The following CXXC5 variants were observed in gnomAD, a reference collection of about 807,000 sequenced individuals.
The protein encoded by CXXC5 is CXXC finger protein 5, also known as CXXC-type zinc finger protein 5.
Under a neutral mutation model 17.6 loss-of-function variants are expected in CXXC5, and 2 were observed. That is an observed-to-expected ratio of 0.11 (90% CI 0.05 to 0.36). The LOEUF (loss-of-function observed/expected upper bound fraction) is 0.36, where lower values mean the gene tolerates loss of function less well. CXXC5 is among the 10% of genes least tolerant of loss of function. The probability of loss-of-function intolerance (pLI) is 1.00; values close to 1 mark genes in which losing one functional copy is unlikely to be tolerated. For synonymous variants in CXXC5, 171 were observed against 193.0 expected (o/e 0.89, Z 0.94); for missense variants, 343 against 458.3 (o/e 0.75, Z 2.30).
In CXXC5 at chr5:139,663,268, T is replaced by C. The variant is rs557030830; in HGVS notation, c.-161+14423T>C. Among the ~76,000 whole-genome samples the C allele has an allele frequency of 4.6e-5, 7 of 152,146 alleles. No homozygotes were observed. Among genetic ancestry groups the C allele is most frequent in the African/African-American group, 7.2e-5 (3 of 41,414 alleles). On this transcript the variant is annotated intron_variant, in intron 1 of 2. Transcript: ENST00000302517. This position sits in a 1 kb window ranked among gnomAD's most constrained non-coding sequence, Gnocchi z 4.2. ...GGCTTTCTCTGTCTCCCACCCCCTA[T>C]GCTCACACAGCAAGGCTATATGTTA...
At chr5:139,649,820 G>C (rs1260831055) in intron 1 of CXXC5, 1 of 152,260 alleles carries the variant, frequency 6.6e-6, no homozygotes, top group Non-Finnish European at 1.5e-5. Flanking sequence ...ATGAAGTTCG[G>C]CCCGACCCCC....
At chr5:139,655,273 G>T (rs1442354840) in intron 1 of CXXC5, among the ~76,000 whole-genome samples, 2 of 152,132 alleles carry the variant, frequency 1.3e-5, no homozygotes, top group African/African-American at 4.8e-5. Context: ...ACAGGCCAGA[G>T]GTGGGGCAGC....
At chr5:139,676,116 G>A (rs1396650977) in intron 1 of CXXC5, among the ~76,000 whole-genome samples, 4 of 139,670 alleles carry the variant, frequency 2.9e-5, no homozygotes, top group East Asian at 2.1e-4. Flanking sequence ...CCTCCTCCTC[G>A]GTACTCCCCA....
intron 1 of CXXC5, among the ~76,000 whole-genome samples, chr5:139,649,976 G>T (rs1455859335): frequency 6.6e-6 from 1 of 152,234 alleles, no homozygotes; most frequent in Non-Finnish European, 1.5e-5. Flanking sequence ...TTGTTTATTT[G>T]TAGGATCGAC....
chr5:139,655,663 T>C (rs530044509), intron 1 of CXXC5, among the ~76,000 whole-genome samples: 13 of 152,156 alleles, frequency 8.5e-5, no homozygotes, highest in South Asian at 4.2e-4. Context: ...CCCTCTTTTG[T>C]TGGCCTCCTC....
At position 139,670,117 on chromosome 5, in the gene CXXC5, A is replaced by G. The variant is rs1038272084; in HGVS notation, c.-160-10247A>G. 6.6e-6 allele frequency among the ~76,000 whole-genome samples: 1 copy of G among 152,038 alleles called. No individual in the cohort carries two copies. The highest frequency in any genetic ancestry group is 2.4e-5 in the African/African-American group (1 of 41,396). ...CTCCGGAACCAGCCGGCTCGGCCCC[A>G]TGGCCCCTCTCGCCTCATTATTTTT... On this transcript the variant is annotated intron_variant, in intron 1 of 2. Transcript: ENST00000302517. This position sits in a 1 kb window ranked among gnomAD's most constrained non-coding sequence, Gnocchi z 4.2.
intron 1 of CXXC5, among the ~76,000 whole-genome samples, chr5:139,664,197 G>A (rs1755970578): frequency 6.6e-6 from 1 of 152,218 alleles, no homozygotes. Flanking sequence ...AGGGTGGATG[G>A]GTGGGTGGGG....
rs112005648 is a variant in CXXC5, at chr5:139,665,172, C to T, written c.-160-15192C>T. Among the ~76,000 whole-genome samples, 565 of 152,394 alleles carry T rather than the reference C, an allele frequency of 3.7e-3. 3 individuals are homozygous for T. The highest frequency in any genetic ancestry group is 6.0e-3 in the Non-Finnish European group (405 of 68,036). ...CAGGGGGGAGTGCCAGCCAGCTCCT[C>T]GCCTGACGCTGCCCGCTCCTGCTCC... is the stretch of plus-strand genomic sequence containing the variant. On this transcript the variant is annotated intron_variant, in intron 1 of 2. Transcript: ENST00000302517.
intron 1 of CXXC5, among the ~76,000 whole-genome samples, chr5:139,659,249 G>T (rs1392317382): frequency 6.6e-6 from 1 of 152,170 alleles, no homozygotes; most frequent in Admixed American, 6.5e-5. Flanking sequence ...TCCCGGGGAA[G>T]GACTGAGGTG....
At position 139,661,304 on chromosome 5, in the gene CXXC5, G is replaced by A. The variant is rs1369370738; in HGVS notation, c.-161+12459G>A. 8.5e-5 allele frequency among the ~76,000 whole-genome samples: 13 copies of A among 152,180 alleles called. No homozygotes were observed. Among genetic ancestry groups the A allele is most frequent in the Admixed American group, 7.8e-4 (12 of 15,288 alleles). ...CCCCAGCAGCCCCGAGAGGCCCTGC[G>A]GCCTGGCAGTTAGAGTGCACACTCA... On this transcript the variant is annotated intron_variant, in intron 1 of 2. Transcript: ENST00000302517. The surrounding 1 kb of genome is among the most constrained non-coding windows in gnomAD (Gnocchi z 4.7).
At chr5:139,681,576 G>A in intron 2 of CXXC5, 129 bp downstream of exon 2, 3 of 1,162,908 alleles carry the variant, frequency 2.6e-6, no homozygotes, top group Non-Finnish European at 3.6e-6. Flanking sequence ...CCAGTCCTTG[G>A]GGCCTGGGGG....
At chr5:139,677,043 G>T (rs998071172) in intron 1 of CXXC5, among the ~76,000 whole-genome samples, 6 of 151,710 alleles carry the variant, frequency 4.0e-5, no homozygotes, top group Non-Finnish European at 8.8e-5. Context: ...CGGCTGGCCG[G>T]CTCCTGCATG....
At chr5:139,651,881 A>G (rs942600872) in intron 1 of CXXC5, among the ~76,000 whole-genome samples, 5 of 152,096 alleles carry the variant, frequency 3.3e-5, no homozygotes, top group African/African-American at 9.7e-5. Context: ...GGGTTCACAC[A>G]TTGTTATTAC....
At chr5:139,655,751 C>T (rs1755457819) in intron 1 of CXXC5, among the ~76,000 whole-genome samples, 1 of 151,674 alleles carries the variant, frequency 6.6e-6, no homozygotes, top group Admixed American at 6.6e-5. Flanking sequence ...CCCTTCCTGC[C>T]CCCTCCCCCA....
chr5:139,681,581 T>A, intron 2 of CXXC5, 134 bp downstream of exon 2: 1 of 1,123,448 alleles, frequency 8.9e-7, no homozygotes, highest in South Asian at 1.7e-5. Context: ...CCTTGGGGCC[T>A]GGGGGTCTGG....
At chr5:139,662,365 C>A (rs1394410600) in intron 1 of CXXC5, among the ~76,000 whole-genome samples, 1 of 152,110 alleles carries the variant, frequency 6.6e-6, no homozygotes, top group Non-Finnish European at 1.5e-5. Flanking sequence ...AAGCCTCTGC[C>A]CGCCTTTGGG....
intron 2 of CXXC5, 131 bp from the exon 3 acceptor site, chr5:139,682,732 C>T (rs1011993387): frequency 1.2e-5 from 11 of 937,540 alleles, no homozygotes; most frequent in African/African-American, 3.4e-5. Flanking sequence ...GCAGGAGCTC[C>T]GAGGGGTGGC....
rs1449776466 is a variant in CXXC5, at chr5:139,661,937, G to A, written c.-161+13092G>A. Among the ~76,000 whole-genome samples the A allele has an allele frequency of 6.6e-6, 1 of 152,264 alleles. No homozygotes were observed. The highest frequency in any genetic ancestry group is 1.5e-5 in the Non-Finnish European group (1 of 68,048). ...CTCTAGTACGGGGCCTCTGGCCCAG[G>A]CAGAGTGGGTTGGGTACATGGGGGA... On this transcript the variant is annotated intron_variant, in intron 1 of 2. Coordinates refer to ENST00000302517, the MANE Select transcript of CXXC5 (RefSeq NM_016463.9). This position sits in a 1 kb window ranked among gnomAD's most constrained non-coding sequence, Gnocchi z 4.7.
At position 139,668,632 on chromosome 5, in the gene CXXC5, C is replaced by T. The variant is rs1320839450; in HGVS notation, c.-160-11732C>T. ...CCAGACGAGCCCAGGACGCCCTATC[C>T]CTGAACCCCATCGTGGCGTGCAGGT... is the stretch of plus-strand genomic sequence containing the variant. On this transcript the variant is annotated intron_variant, in intron 1 of 2. Coordinates refer to ENST00000302517, the MANE Select transcript of CXXC5 (RefSeq NM_016463.9). The surrounding 1 kb of genome is among the most constrained non-coding windows in gnomAD (Gnocchi z 4.1). Among the ~76,000 whole-genome samples the T allele has an allele frequency of 2.0e-5, 3 of 152,190 alleles. No homozygotes were observed. The highest frequency in any genetic ancestry group is 7.2e-5 in the African/African-American group (3 of 41,452).
Sources: gnomAD v4.1 joint callset for allele counts (sites outside exome capture counted in the v4.1 genomes callset) on GRCh38, gnomAD v4.1.1 for gene constraint, Gnocchi (gnomAD v3.1) non-coding constraint, MANE v1.5 for transcripts, NCBI Gene and HGNC (gene_info 2026-07-23, HGNC 2026-07-21) for gene names.